LDLRAD3: variants seen among roughly 807,000 people sequenced by gnomAD.
The protein encoded by LDLRAD3 is low-density lipoprotein receptor class A domain-containing protein 3.
A neutral mutation model predicts 29.4 loss-of-function variants in LDLRAD3; 20 were observed. That is an observed-to-expected ratio of 0.68 (90% confidence interval 0.48 to 0.99). The LOEUF is 0.99. Among genes scored for constraint, LDLRAD3 ranks in the 50% least tolerant of loss-of-function variants. LDLRAD3 has a pLI of 0.00. For synonymous variants in LDLRAD3, 157 were observed against 192.7 expected (o/e 0.81, Z 1.53); for missense variants, 420 against 454.3 (o/e 0.92, Z 0.69).
chr11:35,970,628 A>G (rs900907618), intron 1 of LDLRAD3, among the ~76,000 whole-genome samples: 1 of 152,204 alleles, frequency 6.6e-6, no homozygotes, highest in African/African-American at 2.4e-5. Context: ...TATTAACCCC[A>G]TTTTATAGAT....
At chr11:36,224,019 A>G (rs1271291999) in intron 4 of LDLRAD3, among the ~76,000 whole-genome samples, 1 of 151,012 alleles carries the variant, frequency 6.6e-6, no homozygotes, top group Non-Finnish European at 1.5e-5. Flanking sequence ...TGAACTGTGC[A>G]CTTTAAAATG....
At position 35,944,063 on chromosome 11, in the gene LDLRAD3, G is replaced by A; in HGVS notation, c.-36G>A. 1 of 1,076,202 alleles carries A rather than the reference G, an allele frequency of 9.3e-7. No homozygotes were observed. Among genetic ancestry groups the A allele is most frequent in the Non-Finnish European group, 1.1e-6 (1 of 888,710 alleles). 66.7% of individuals were successfully genotyped at this position (1,076,202 alleles called of 1,614,324 possible). On this transcript the variant is annotated 5_prime_UTR_variant, in exon 1 of 6. Transcript: ENST00000315571. The surrounding 1 kb of genome is among the most constrained non-coding windows in gnomAD (Gnocchi z 4.9). ...GGTCAGCGCCGAGGCCGCGGGGGCA[G>A]CAACGACGCCGGGCAGCGGGAGCGG...
At chr11:36,162,264 C>T (rs1854451577) in intron 4 of LDLRAD3, among the ~76,000 whole-genome samples, 1 of 152,136 alleles carries the variant, frequency 6.6e-6, no homozygotes, top group Non-Finnish European at 1.5e-5. Flanking sequence ...TAGAAAGATG[C>T]ATTTTTGAAG....
chr11:36,006,733 T>C (rs1452527848), intron 1 of LDLRAD3, among the ~76,000 whole-genome samples: 2 of 152,258 alleles, frequency 1.3e-5, no homozygotes, highest in African/African-American at 4.8e-5. Context: ...CCCATGACAA[T>C]GCAGGATGTA....
intron 4 of LDLRAD3, among the ~76,000 whole-genome samples, chr11:36,144,773 G>A (rs1222457791): frequency 8.1e-6 from 1 of 123,746 alleles, no homozygotes. Flanking sequence ...TCAGCCCCCC[G>A]CCCGGCCAGC....
intron 1 of LDLRAD3, among the ~76,000 whole-genome samples, chr11:36,028,515 G>T (rs1026230512): frequency 3.9e-5 from 6 of 152,112 alleles, no homozygotes; most frequent in South Asian, 2.1e-4. Context: ...GCCATCACCT[G>T]CTTGTAGACA....
At chr11:36,039,251 G>T (rs1852349950) in intron 2 of LDLRAD3, among the ~76,000 whole-genome samples, 1 of 152,154 alleles carries the variant, frequency 6.6e-6, no homozygotes, top group Non-Finnish European at 1.5e-5. Flanking sequence ...TTACAGGCGT[G>T]AGCCACCGCG....
chr11:36,076,678 G>A (rs943034223), intron 2 of LDLRAD3, among the ~76,000 whole-genome samples: 11 of 152,284 alleles, frequency 7.2e-5, no homozygotes, highest in African/African-American at 1.9e-4. Flanking sequence ...CAGCCAATAC[G>A]CCTGGCCTAG....
chr11:36,220,045 T>G (rs1283479768), intron 4 of LDLRAD3, among the ~76,000 whole-genome samples: 1 of 152,202 alleles, frequency 6.6e-6, no homozygotes, highest in African/African-American at 2.4e-5. Context: ...AGATAAGCTG[T>G]GGCAAATCAG....
At chr11:36,023,986 A>C (rs1590211823) in intron 1 of LDLRAD3, among the ~76,000 whole-genome samples, 1 of 152,206 alleles carries the variant, frequency 6.6e-6, no homozygotes, top group South Asian at 2.1e-4. Flanking sequence ...CAGGGTCTGC[A>C]CTGGGAGGTC....
intron 1 of LDLRAD3, among the ~76,000 whole-genome samples, chr11:35,963,363 C>G (rs1185231134): frequency 1.3e-5 from 2 of 151,752 alleles, no homozygotes; most frequent in South Asian, 4.2e-4. Flanking sequence ...CACATTCTGA[C>G]AGTTAGATGT....
At chr11:36,208,210 G>A (rs887588976) in intron 4 of LDLRAD3, among the ~76,000 whole-genome samples, 8 of 152,166 alleles carry the variant, frequency 5.3e-5, no homozygotes, top group African/African-American at 1.2e-4. Flanking sequence ...AGTGTTCCCC[G>A]TGGCCAAAGG....
rs553669594 is a variant in LDLRAD3 at position 36,227,491 on chromosome 11, G to C, written c.800+61G>C. The C allele has an allele frequency of 1.2e-5, 15 of 1,269,468 alleles. No homozygotes were observed. In the Admixed American group the frequency reaches 3.0e-4, roughly 26 times the overall value. The allele number at this position is 1,269,468 out of a possible 1,614,324, so 78.6% of individuals were successfully genotyped here. A position where few individuals can be genotyped will look rare whatever the true frequency, so the allele number is the denominator to read the frequency against. On this transcript the variant is annotated intron_variant, in intron 5 of 5. Transcript: ENST00000315571. ...GTCATCCATTGCGGGGAGGGGAATA[G>C]GTGCACACACTGAGGTTCTTAGGTC...
At chr11:35,972,204 T>G (rs2133148116) in intron 1 of LDLRAD3, among the ~76,000 whole-genome samples, 1 of 151,942 alleles carries the variant, frequency 6.6e-6, no homozygotes, top group South Asian at 2.1e-4. Flanking sequence ...AAACCAGATC[T>G]TAAGGGAAGG....
intron 4 of LDLRAD3, among the ~76,000 whole-genome samples, chr11:36,121,747 CAG>C (rs1024911656): frequency 3.9e-5 from 6 of 152,228 alleles, no homozygotes; most frequent in African/African-American, 1.4e-4. Context: ...GCTTCTCACA[CAG>C]TACATAAACC....
chr11:36,085,438 A>C (rs868236472), intron 3 of LDLRAD3, among the ~76,000 whole-genome samples: 2 of 149,318 alleles, frequency 1.3e-5, no homozygotes, highest in South Asian at 2.1e-4. Flanking sequence ...GGGTTCTCTG[A>C]GCTATTTGAA....
intron 4 of LDLRAD3, among the ~76,000 whole-genome samples, chr11:36,162,906 G>A (rs565155378): frequency 6.6e-5 from 10 of 152,292 alleles, no homozygotes; most frequent in East Asian, 1.9e-4. Context: ...CAGGGTTGTC[G>A]TTATATCTGG....
intron 1 of LDLRAD3, among the ~76,000 whole-genome samples, chr11:36,020,573 T>C (rs1447725498): frequency 1.3e-5 from 2 of 152,200 alleles, no homozygotes; most frequent in East Asian, 3.8e-4. Flanking sequence ...CATTCCCTCC[T>C]GTAGTTTAAA....
Position 36,036,242 on chromosome 11 carries a change from G to T in LDLRAD3, c.186G>T (p.Lys62Asn). 6.2e-7 allele frequency: 1 copy of T among 1,614,038 alleles called. No individual in the cohort carries two copies. Among genetic ancestry groups the T allele is most frequent in the South Asian group, 1.1e-5 (1 of 91,064 alleles). Residue 62 changes from lysine to asparagine, a missense_variant, in exon 2 of 6, where the codon AAG (lysine) becomes AAT (asparagine). Lys to Asn is a moderately conservative substitution (Grantham distance 94, BLOSUM62 0). This residue lies in a region of LDLRAD3 where 224 missense variants were observed against 222.2 expected (regional missense o/e 1.01). Transcript: ENST00000315571. ...LPDCFDKSDE[K>N]ECPKAKSKCG... Reference sequence around the variant, plus strand: ...ACTGCTTCGACAAGAGTGATGAGAAGGAGTGCCGTGAGTGGCCTGGCCCTT... The same window carrying T: ...ACTGCTTCGACAAGAGTGATGAGAATGAGTGCCGTGAGTGGCCTGGCCCTT...
Sources: gnomAD v4.1 joint callset for allele counts (sites outside exome capture counted in the v4.1 genomes callset) on GRCh38, gnomAD v4.1.1 for gene constraint, gnomAD v4.1.1 regional missense constraint, Gnocchi (gnomAD v3.1) non-coding constraint, MANE v1.5 for transcripts, NCBI Gene and HGNC (gene_info 2026-07-23, HGNC 2026-07-21) for gene names.